The following SPTLC1 variants were observed in gnomAD, a reference collection of about 807,000 sequenced individuals.
The protein encoded by SPTLC1 is serine palmitoyltransferase long chain base subunit 1.
Under a neutral mutation model 68.9 loss-of-function variants are expected in SPTLC1, and 55 were observed. The ratio of observed to expected loss-of-function variants is 0.80; its 90% CI spans 0.64 to 1.00. SPTLC1 has a LOEUF of 1.00. Ranked by LOEUF, SPTLC1 falls within the 50% of genes least tolerant of loss-of-function variation. SPTLC1 has a pLI of 0.00. For missense variants in SPTLC1, 449 were observed against 573.1 expected (o/e 0.78, Z 2.21); for synonymous variants, 197 against 201.6 (o/e 0.98, Z 0.19).
At chr9:92,046,223 T>G in intron 11 of SPTLC1, 170 bp from the exon 12 acceptor site, 1 of 651,774 alleles carries the variant, frequency 1.5e-6, no homozygotes, top group Non-Finnish European at 2.7e-6. Flanking sequence ...GCTTTGTCTC[T>G]GGTGCGTGCT....
At chr9:92,081,527 A>T (rs1286784424) in intron 3 of SPTLC1, among the ~76,000 whole-genome samples, 1 of 152,134 alleles carries the variant, frequency 6.6e-6, no homozygotes, top group Non-Finnish European at 1.5e-5. Context: ...TGGCAGCTAC[A>T]CTGGAGCCGG....
chr9:92,104,573 T>G, intron 3 of SPTLC1: 1 of 1,486,412 alleles, frequency 6.7e-7, no homozygotes, highest in Non-Finnish European at 9.1e-7. Flanking sequence ...GAGGATCTCT[T>G]GTCTCAGAGG....
chr9:92,058,538 C>T (rs1833971634), intron 7 of SPTLC1, among the ~76,000 whole-genome samples: 2 of 152,172 alleles, frequency 1.3e-5, no homozygotes, highest in African/African-American at 4.8e-5. Context: ...GAACACACTT[C>T]CTCTGTTTCA....
rs567617976 is a variant in SPTLC1 at position 92,086,449 on chromosome 9, A to G, written c.261-5486T>C. Among the ~76,000 whole-genome samples the G allele has an allele frequency of 4.0e-3, 615 of 151,876 alleles. 3 individuals carry two copies. Among genetic ancestry groups the G allele is most frequent in the Middle Eastern group, 0.01 (3 of 294 alleles). On this transcript the variant is annotated intron_variant, in intron 3 of 14. Coordinates refer to ENST00000262554, the MANE Select transcript of SPTLC1 (RefSeq NM_006415.4). ...TTAGGGCAGGCCTGGTGGTGACAAA[A>G]TCTCTCAGCATTTGCTTGTCTGTAA...
At chr9:92,106,797 G>A (rs988940890) in intron 3 of SPTLC1, among the ~76,000 whole-genome samples, 4 of 152,094 alleles carry the variant, frequency 2.6e-5, no homozygotes, top group Non-Finnish European at 4.4e-5. Context: ...TGCAGTTTCA[G>A]TGCCTCTGAC....
chr9:92,071,026 G>A (rs1319052132), intron 5 of SPTLC1, among the ~76,000 whole-genome samples: 3 of 151,574 alleles, frequency 2.0e-5, no homozygotes, highest in South Asian at 2.1e-4. Context: ...ACTTTAGGAC[G>A]TTTAGAAACA....
chr9:92,078,673 T>C (rs1834767537), intron 5 of SPTLC1, among the ~76,000 whole-genome samples: 1 of 152,216 alleles, frequency 6.6e-6, no homozygotes, highest in Non-Finnish European at 1.5e-5. Flanking sequence ...CAGGCTAGTC[T>C]CATATGCCTA....
At chr9:92,072,715 C>A (rs966264443) in intron 5 of SPTLC1, among the ~76,000 whole-genome samples, 1 of 152,178 alleles carries the variant, frequency 6.6e-6, no homozygotes, top group Non-Finnish European at 1.5e-5. Flanking sequence ...TGGCTCTCAG[C>A]GGACAGAAAA....
At chr9:92,096,347 TTTGA>T (rs1466059697) in intron 3 of SPTLC1, among the ~76,000 whole-genome samples, 2 of 152,204 alleles carry the variant, frequency 1.3e-5, no homozygotes, top group Non-Finnish European at 2.9e-5. Flanking sequence ...GATATGTTAA[TTTGA>T]TTGTGGTCAT....
intron 6 of SPTLC1, among the ~76,000 whole-genome samples, chr9:92,063,058 T>C (rs1472177338): frequency 2.0e-5 from 3 of 151,766 alleles, no homozygotes; most frequent in Non-Finnish European, 4.4e-5. Context: ...AAAAATACAA[T>C]AGAGAAAAAC....
At chr9:92,104,648 G>A (rs1835888244) in intron 3 of SPTLC1, 1 of 1,505,504 alleles carries the variant, frequency 6.6e-7, no homozygotes, top group Non-Finnish European at 8.9e-7. Flanking sequence ...CCCGAAGATG[G>A]AGGTGAGGGC....
chr9:92,104,533 C>T, intron 3 of SPTLC1: 1 of 1,430,330 alleles, frequency 7.0e-7, no homozygotes, highest in South Asian at 1.2e-5. Context: ...CTGCTCGCAA[C>T]TCCAGGATGT....
At chr9:92,036,921 G>T (rs1833160839) in intron 13 of SPTLC1, among the ~76,000 whole-genome samples, 1 of 152,186 alleles carries the variant, frequency 6.6e-6, no homozygotes, top group African/African-American at 2.4e-5. Flanking sequence ...TGCCTGAGGG[G>T]ACATCAGCTG....
rs375601587 is a variant in SPTLC1, at chr9:92,032,566, C to T, written c.1329-8G>A. On this transcript the variant is annotated splice_region_variant and splice_polypyrimidine_tract_variant and intron_variant, in intron 14 of 14. Transcript: ENST00000262554. ...GTGACCACAACCCGAATGCTGAGAA[C>T]AGTAAAGGACACAAAGAATTATCTT... The T allele has an allele frequency of 1.9e-6, 3 of 1,613,212 alleles. No individual in the cohort carries two copies. The African/African-American group carries it at 4.0e-5, about 22-fold the overall frequency.
intron 11 of SPTLC1, 65 bp downstream of exon 11, chr9:92,047,107 A>T (rs1020576042): frequency 7.5e-7 from 1 of 1,341,584 alleles, no homozygotes; most frequent in Non-Finnish European, 1.1e-6. Flanking sequence ...CCAGTAAGTA[A>T]ATCAGTAACA....
At chr9:92,034,519 GA>G (rs1833076479) in intron 14 of SPTLC1, among the ~76,000 whole-genome samples, 1 of 152,102 alleles carries the variant, frequency 6.6e-6, no homozygotes. Flanking sequence ...CCACCTTTCA[GA>G]TGTGGCAGAT....
At chr9:92,047,408 T>C (rs1833554406) in intron 10 of SPTLC1, 140 bp from the exon 11 acceptor site, 1 of 789,324 alleles carries the variant, frequency 1.3e-6, no homozygotes, top group African/African-American at 1.7e-5. Context: ...TAAATAAACA[T>C]TATACGTGTA....
At chr9:92,115,279 G>A in intron 1 of SPTLC1, 35 bp downstream of exon 1, 2 of 1,608,306 alleles carry the variant, frequency 1.2e-6, no homozygotes, top group Non-Finnish European at 1.7e-6. Context: ...CCGGGCCCGG[G>A]TGTGGTCGCG....
At chr9:92,073,375 A>G (rs1194570132) in intron 5 of SPTLC1, among the ~76,000 whole-genome samples, 1 of 152,218 alleles carries the variant, frequency 6.6e-6, no homozygotes, top group Non-Finnish European at 1.5e-5. Context: ...GCCAGGCACT[A>G]GGGCAGTACC....
Sources: gnomAD v4.1 joint callset for allele counts (sites outside exome capture counted in the v4.1 genomes callset) on GRCh38, gnomAD v4.1.1 for gene constraint, MANE v1.5 for transcripts, NCBI Gene and HGNC (gene_info 2026-07-23, HGNC 2026-07-21) for gene names.